RRAGC: variants seen among roughly 807,000 people sequenced by gnomAD.
RRAGC encodes Ras related GTP binding C.
RRAGC carries 8 observed loss-of-function variants against 37.1 expected under a neutral mutation model. That is an observed-to-expected ratio of 0.22 (90% confidence interval 0.13 to 0.39). RRAGC has a LOEUF of 0.39. Among genes scored for constraint, RRAGC ranks in the 10% least tolerant of loss-of-function variants. The pLI is 1.00. For synonymous variants in RRAGC, 190 were observed against 181.1 expected (o/e 1.05, Z -0.39); for missense variants, 342 against 497.6 (o/e 0.69, Z 2.98).
In RRAGC at chr1:38,843,463, G is replaced by A. The variant is rs1323825608; in HGVS notation, c.1048+2476C>T. 2.0e-5 allele frequency among the ~76,000 whole-genome samples: 3 copies of A among 152,136 alleles called. No individual in the cohort carries two copies. The South Asian group carries it at 6.2e-4, about 32-fold the overall frequency. On this transcript the variant is annotated intron_variant, in intron 6 of 6. Coordinates refer to ENST00000373001, the MANE Select transcript of RRAGC (RefSeq NM_022157.4). ...AGGCCGGGCGCAGTGGCTCACTCCT[G>A]CAATCCCAGCACTTTGGGAGGCCGA...
rs929917620 is a variant in RRAGC at position 38,855,981 on chromosome 1, C to T, written c.442-74G>A. ...AGTAATGAGTTAAAGCCTCAAACCACCTCTTTCCCCAACCACAGAAAAATA... is the reference window on the plus strand; with the variant it reads ...AGTAATGAGTTAAAGCCTCAAACCATCTCTTTCCCCAACCACAGAAAAATA... On this transcript the variant is annotated intron_variant, in intron 2 of 6. Coordinates refer to ENST00000373001, the MANE Select transcript of RRAGC (RefSeq NM_022157.4). 1.1e-5 allele frequency: 11 copies of T among 979,420 alleles called. No homozygotes were observed. In the African/African-American group the frequency reaches 1.6e-4, roughly 15 times the overall value. The allele number at this position is 979,420 out of a possible 1,614,324, so 60.7% of individuals were successfully genotyped here. A position where few individuals can be genotyped will look rare whatever the true frequency, so the allele number is the denominator to read the frequency against.
chr1:38,843,107 A>C (rs1228228599), intron 6 of RRAGC, among the ~76,000 whole-genome samples: 5 of 152,126 alleles, frequency 3.3e-5, no homozygotes, highest in Non-Finnish European at 7.4e-5. Flanking sequence ...AAGGAAGAGG[A>C]CTGCTTGAGG....
chr1:38,855,674 T>G (rs372676526), intron 3 of RRAGC, 34 bp downstream of exon 3: 28 of 1,543,610 alleles, frequency 1.8e-5, no homozygotes, highest in Non-Finnish European at 2.5e-5. Context: ...TACACCTTGT[T>G]CAGGGCTTTC....
In RRAGC at chr1:38,839,219, T is replaced by C. The variant is rs1557582282; in HGVS notation, c.*334A>G. Reference sequence around the variant, plus strand: ...TTTTCAACTGGAATTGATGGCAACATTCCCTGGTAAGGATGGGTAACTGGT... The same window carrying C: ...TTTTCAACTGGAATTGATGGCAACACTCCCTGGTAAGGATGGGTAACTGGT... On this transcript the variant is annotated 3_prime_UTR_variant, in exon 7 of 7. Coordinates refer to ENST00000373001, the MANE Select transcript of RRAGC (RefSeq NM_022157.4). 1 of 226,212 alleles carries C rather than the reference T, an allele frequency of 4.4e-6. No homozygotes were observed. The highest frequency in any genetic ancestry group is 8.5e-6 in the Non-Finnish European group (1 of 117,642). The allele number at this position is 226,212 out of a possible 1,614,324, so 14.0% of individuals were successfully genotyped here.
At chr1:38,859,258 G>A (rs1344716982) in intron 1 of RRAGC, 152 bp downstream of exon 1, 3 of 754,478 alleles carry the variant, frequency 4.0e-6, no homozygotes, top group African/African-American at 3.7e-5. Context: ...GGGTCCCCGC[G>A]CGGGCCGCGC....
Position 38,855,168 on chromosome 1 carries a change from G to A in RRAGC, c.641+540C>T, listed in dbSNP as rs533861673. 3.3e-5 allele frequency among the ~76,000 whole-genome samples: 5 copies of A among 152,276 alleles called. No homozygotes were observed. In the South Asian group the frequency reaches 1.0e-3, roughly 32 times the overall value. On this transcript the variant is annotated intron_variant, in intron 3 of 6. Coordinates refer to ENST00000373001, the MANE Select transcript of RRAGC (RefSeq NM_022157.4). ...ATAGAGTTTCATAAAAGTATAAAGT[G>A]TTTTAAAAGCTAAGATATATTACAG...
chr1:38,849,622 A>C (rs1364838464), intron 5 of RRAGC, among the ~76,000 whole-genome samples: 14 of 152,118 alleles, frequency 9.2e-5, no homozygotes. Flanking sequence ...CGGGAGGCAG[A>C]GGTTGCAGTG....
rs1405185454 is a variant in RRAGC, at chr1:38,859,637, G to A, written c.10C>T (p.Gln4Ter). 6.4e-7 allele frequency: 1 copy of A among 1,557,598 alleles called. No homozygotes were observed. The highest frequency in any genetic ancestry group is 8.7e-7 in the Non-Finnish European group (1 of 1,152,594). MSL[Q>*]YGAEETPLAG... is the part of the protein sequence containing the mutation. ...AGGGGCGTCTCCTCCGCCCCGTACT[G>A]CAGGGACATGGTGCTGGAGCCGCCG... Residue 4 changes from glutamine (Q) to a stop codon, truncating the protein, a stop_gained, in exon 1 of 7, where the codon CAG becomes TAG. Transcript: ENST00000373001. LOFTEE classifies it high-confidence loss of function.
chr1:38,859,362 A>G, intron 1 of RRAGC, 48 bp downstream of exon 1: 1 of 1,502,258 alleles, frequency 6.7e-7, no homozygotes, highest in Non-Finnish European at 9.0e-7. Context: ...GCTACCGGCC[A>G]CCTGAGAACC....
rs1642210813 is a variant in RRAGC, at chr1:38,859,534, G to A, written c.113C>T (p.Ala38Val). ...YGVEEEEEEA[A>V]AAGGGVGAGA... Reference sequence around the variant, plus strand: ...TGCCCCAACCCCTCCGCCCGCCGCCGCCGCCTCCTCTTCCTCCTCCTCCAC... The same window carrying A: ...TGCCCCAACCCCTCCGCCCGCCGCCACCGCCTCCTCTTCCTCCTCCTCCAC... The change falls in exon 1 of 7, where the codon GCG (alanine) becomes GTG (valine). Residue 38 changes from alanine (A) to valine (V), a missense_variant. Transcript: ENST00000373001. 3 of 1,322,960 alleles carry A rather than the reference G, an allele frequency of 2.3e-6. No individual in the cohort carries two copies. The highest frequency in any genetic ancestry group is 3.1e-6 in the Non-Finnish European group (3 of 981,998). The allele number at this position is 1,322,960 out of a possible 1,614,324, so 82.0% of individuals were successfully genotyped here. A position where few individuals can be genotyped will look rare whatever the true frequency, so the allele number is the denominator to read the frequency against.
Position 38,851,685 on chromosome 1 carries a change from CA to C in RRAGC, c.828del (p.Val277TrpfsTer12), listed in dbSNP as rs780773319. ...CAAAGTTCATAAGATTGCATATCCACAGGGGAACTGTCTGTTGCAATGTAGA... is the reference window on the plus strand; with the variant it reads ...CAAAGTTCATAAGATTGCATATCCACGGGGAACTGTCTGTTGCAATGTAGA... ...SKIYIATDSS[P>X]VDMQSYELCC... is the part of the protein sequence containing the mutation. On this transcript the variant is annotated frameshift_variant, in exon 5 of 7. Coordinates refer to ENST00000373001, the MANE Select transcript of RRAGC (RefSeq NM_022157.4). LOFTEE classifies it high-confidence loss of function. The C allele has an allele frequency of 1.3e-6, 2 of 1,599,122 alleles. No individual in the cohort carries two copies. The highest frequency in any genetic ancestry group is 2.3e-5 in the South Asian group (2 of 88,070).
At chr1:38,841,368 A>ATT (rs370794807) in intron 6 of RRAGC, among the ~76,000 whole-genome samples, 50,568 of 146,866 alleles carry the variant, frequency 0.34, 9,926 homozygotes, top group Middle Eastern at 0.44. Context: ...ATAAACAAAA[A>ATT]TTTTTTTTTT....
rs577027557 is a variant in RRAGC, at chr1:38,859,352, G to A, written c.237+58C>T. The A allele has an allele frequency of 5.4e-6, 8 of 1,473,848 alleles. No individual in the cohort carries two copies. In the East Asian group the frequency reaches 1.5e-4, roughly 28 times the overall value. 91.3% of individuals were successfully genotyped at this position (1,473,848 alleles called of 1,614,324 possible). ...GGCCGCCGCCCTCCCGGGCGTCCCC[G>A]CTACCGGCCACCTGAGAACCGGGGA... On this transcript the variant is annotated intron_variant, in intron 1 of 6. Transcript: ENST00000373001.
At chr1:38,852,890 C>T (rs1642117276) in intron 3 of RRAGC, among the ~76,000 whole-genome samples, 1 of 152,090 alleles carries the variant, frequency 6.6e-6, no homozygotes, top group Middle Eastern at 3.2e-3. Flanking sequence ...ACTAAAATGT[C>T]ACCTCAAAAA....
chr1:38,859,405 C>A lies in RRAGC; in HGVS notation c.237+5G>T, dbSNP rs1363041943. 1.9e-6 allele frequency: 3 copies of A among 1,547,620 alleles called. No homozygotes were observed. In the East Asian group the frequency reaches 7.3e-5, roughly 38 times the overall value. ...GGGCGGGGGACTGGGCGCAGCCCTG[C>A]TCACCTTCTGGATGGAGGACTTGCC... is the stretch of plus-strand genomic sequence containing the variant. On this transcript the variant is annotated splice_donor_5th_base_variant and intron_variant, in intron 1 of 6. Coordinates refer to ENST00000373001, the MANE Select transcript of RRAGC (RefSeq NM_022157.4).
At chr1:38,849,569 T>C (rs1225438221) in intron 5 of RRAGC, among the ~76,000 whole-genome samples, 1 of 151,842 alleles carries the variant, frequency 6.6e-6, no homozygotes, top group Non-Finnish European at 1.5e-5. Flanking sequence ...ACCCCTGTAA[T>C]CCCAGCTACT....
chr1:38,838,582 A>C lies in RRAGC; in HGVS notation c.*971T>G, dbSNP rs1186445013. On this transcript the variant is annotated 3_prime_UTR_variant, in exon 7 of 7. Coordinates refer to ENST00000373001, the MANE Select transcript of RRAGC (RefSeq NM_022157.4). ...ACTTGGTGTCAGAATACTAGAGACA[A>C]AGTATGTAAAACAATGCCTGTTGCA... 6.6e-6 allele frequency: 1 copy of C among 152,260 alleles called. No homozygotes were observed. The highest frequency in any genetic ancestry group is 1.5e-5 in the Non-Finnish European group (1 of 68,040). The allele number at this position is 152,260 out of a possible 1,614,324, so 9.4% of individuals were successfully genotyped here.
intron 5 of RRAGC, among the ~76,000 whole-genome samples, chr1:38,849,820 T>C (rs1415717684): frequency 6.6e-6 from 1 of 152,248 alleles, no homozygotes; most frequent in African/African-American, 2.4e-5. Flanking sequence ...AAAGCAAACG[T>C]TCTACTCATC....
At position 38,855,874 on chromosome 1, in the gene RRAGC, T is replaced by C. The variant is rs762245538; in HGVS notation, c.475A>G (p.Ile159Val). The C allele has an allele frequency of 3.1e-6, 5 of 1,613,804 alleles. No homozygotes were observed. The highest frequency in any genetic ancestry group is 1.7e-5 in the Admixed American group (1 of 60,022). The part of the protein sequence containing the change: ...DYMEALTRLH[I>V]TVSKAYKVNP... Reference sequence around the variant, plus strand: ...ACTTTGTAGGCTTTAGAAACAGTAATGTGAAGTCTTGTTAAAGCCTCCATG... The same window carrying C: ...ACTTTGTAGGCTTTAGAAACAGTAACGTGAAGTCTTGTTAAAGCCTCCATG... The change falls in exon 3 of 7, where the codon ATT becomes GTT. Residue 159 changes from isoleucine to valine, a missense_variant. Physicochemically the swap from Ile to Val is conservative, Grantham distance 29. Transcript: ENST00000373001.
Sources: allele counts gnomAD v4.1 joint callset (sites outside exome capture counted in the v4.1 genomes callset), GRCh38; gene constraint gnomAD v4.1.1; transcripts MANE v1.5; gene names NCBI Gene and HGNC (gene_info 2026-07-23, HGNC 2026-07-21).